The following CEP41 variants were observed in gnomAD, a reference collection of about 807,000 sequenced individuals.
The protein encoded by CEP41 is centrosomal protein 41, also known as centrosomal protein of 41 kDa.
Under a neutral mutation model 44.3 loss-of-function variants are expected in CEP41, and 32 were observed. The ratio of observed to expected loss-of-function variants is 0.72; its 90% confidence interval spans 0.54 to 0.97. The LOEUF is 0.97. Among genes scored for constraint, CEP41 ranks in the 50% least tolerant of loss-of-function variants. The probability of loss-of-function intolerance (pLI) is 0.00; values close to 1 mark genes in which losing one functional copy is unlikely to be tolerated. For missense variants in CEP41, 432 were observed against 455.2 expected (o/e 0.95, Z 0.46); for synonymous variants, 151 against 168.5 (o/e 0.90, Z 0.80).
chr7:130,441,049 A>G, upstream of CEP41: 1 of 1,486,726 alleles, frequency 6.7e-7, no homozygotes, highest in Non-Finnish European at 9.3e-7. Context: ...AACCTTGTTC[A>G]GCCGCCTCCC....
Position 130,440,926 on chromosome 7 carries a change from G to C in CEP41, c.33+8C>G, listed in dbSNP as rs782501714. On this transcript the variant is annotated splice_region_variant and intron_variant, in intron 1 of 10. Transcript: ENST00000223208. ...CCTCCGGCTCTCCGGCCGAGACCTGGCCCTCACCTCAGGGTTCCCAATGTG... is the reference window on the plus strand; with the variant it reads ...CCTCCGGCTCTCCGGCCGAGACCTGCCCCTCACCTCAGGGTTCCCAATGTG... 2 of 1,611,732 alleles carry C rather than the reference G, an allele frequency of 1.2e-6. No individual in the cohort carries two copies. Among genetic ancestry groups the C allele is most frequent in the Admixed American group, 1.7e-5 (1 of 60,036 alleles).
chr7:130,418,695 T>C (rs1160997355), intron 2 of CEP41, among the ~76,000 whole-genome samples: 1 of 152,112 alleles, frequency 6.6e-6, no homozygotes, highest in Non-Finnish European at 1.5e-5. Flanking sequence ...ATTTCCAACC[T>C]CCTGAAAAAC....
chr7:130,401,908 G>T lies in CEP41; in HGVS notation c.615C>A (p.Asn205Lys), dbSNP rs1554417012. 5 of 1,609,292 alleles carry T rather than the reference G, an allele frequency of 3.1e-6. No homozygotes were observed. The highest frequency in any genetic ancestry group is 1.1e-5 in the South Asian group (1 of 90,976). Reference sequence around the variant, plus strand: ...ATTCAAGAATATCATTTGAATAAGGGTTCATTGTTCTAGACAGAGTTGCAA... The same window carrying T: ...ATTCAAGAATATCATTTGAATAAGGTTTCATTGTTCTAGACAGAGTTGCAA... ...YPIATLSRTM[N>K]PYSNDILEYK... Residue 205 changes from asparagine (N) to lysine (K), a missense_variant, in exon 8 of 11, where the codon AAC becomes AAA. Physicochemically the swap from Asn to Lys is moderately conservative, Grantham distance 94 (BLOSUM62 0). Transcript: ENST00000223208.
At chr7:130,408,845 T>C (rs1414373407) in intron 5 of CEP41, among the ~76,000 whole-genome samples, 1 of 152,234 alleles carries the variant, frequency 6.6e-6, no homozygotes, top group Non-Finnish European at 1.5e-5. Context: ...AATTAAATTA[T>C]GGTATATCCA....
In CEP41 at chr7:130,429,527, A is replaced by G. The variant is rs139348537; in HGVS notation, c.34-1509T>C. 1.5e-3 allele frequency among the ~76,000 whole-genome samples: 236 copies of G among 152,340 alleles called. 3 individuals are homozygous for G. In the East Asian group the frequency reaches 0.021, roughly 14 times the overall value. The stretch of plus-strand genomic sequence containing the variant: ...TGCAGGTATGAAAGTCCTTTCTTCA[A>G]TAACAGGTAGCTGTGGAACATGAAA... On this transcript the variant is annotated intron_variant, in intron 1 of 10. Coordinates refer to ENST00000223208, the MANE Select transcript of CEP41 (RefSeq NM_018718.3).
intron 10 of CEP41, 72 bp from the exon 11 acceptor site, chr7:130,399,111 A>T (rs1554416214): frequency 2.5e-6 from 4 of 1,575,612 alleles, no homozygotes; most frequent in Non-Finnish European, 3.5e-6. Context: ...GTACAGTTTT[A>T]AGCTAATGAA....
In CEP41 at chr7:130,404,656, A is replaced by G. The variant is rs1034183708; in HGVS notation, c.330T>C (p.Asn110=). ...ACTGCTCACCTGGATTTCCTTTCCC[A>G]TTGGTCCTGGCAGTGGTTTCAGCAT... is the stretch of plus-strand genomic sequence containing the variant. ...DPDAETTART[N]GKGNPGEQSP... Residue 110 remains asparagine, a synonymous_variant, in exon 6 of 11, where the codon AAT becomes AAC. Transcript: ENST00000223208. The G allele has an allele frequency of 3.7e-6, 6 of 1,612,914 alleles. No homozygotes were observed. Among genetic ancestry groups the G allele is most frequent in the Non-Finnish European group, 4.2e-6 (5 of 1,179,086 alleles).
chr7:130,433,607 C>T (rs1797884455), intron 1 of CEP41, among the ~76,000 whole-genome samples: 1 of 152,118 alleles, frequency 6.6e-6, no homozygotes. Context: ...TGAGGGTTTA[C>T]ATAAAAGAAA....
intron 5 of CEP41, among the ~76,000 whole-genome samples, chr7:130,410,200 A>G (rs1251518237): frequency 6.7e-6 from 1 of 150,072 alleles, no homozygotes; most frequent in African/African-American, 2.5e-5. Flanking sequence ...TAATTTTTCT[A>G]TTTTTTTTAG....
intron 1 of CEP41, among the ~76,000 whole-genome samples, chr7:130,436,573 T>C (rs1327359597): frequency 6.8e-6 from 1 of 146,310 alleles, no homozygotes; most frequent in Non-Finnish European, 1.5e-5. Flanking sequence ...AGTTTGATAC[T>C]GTACTGTACT....
intron 4 of CEP41, 151 bp from the exon 5 acceptor site, chr7:130,411,342 G>T: frequency 1.4e-6 from 1 of 707,392 alleles, no homozygotes. Flanking sequence ...TGAATCTCAG[G>T]CCTCCTTCCT....
chr7:130,420,048 G>C, intron 2 of CEP41: 1 of 985,426 alleles, frequency 1.0e-6, no homozygotes, highest in Non-Finnish European at 1.2e-6. Context: ...ATGGTCAGGT[G>C]CACTGGATCA....
intron 1 of CEP41, among the ~76,000 whole-genome samples, chr7:130,430,613 CAG>C (rs1228817428): frequency 6.6e-4 from 101 of 152,210 alleles, no homozygotes; most frequent in African/African-American, 2.3e-3. Context: ...ATAAATTCTC[CAG>C]AGACAGACAA....
chr7:130,419,739 G>A, intron 2 of CEP41: 1 of 985,120 alleles, frequency 1.0e-6, no homozygotes, highest in Non-Finnish European at 1.2e-6. Context: ...ACCTCTTAAT[G>A]TTGCCTTAAT....
Position 130,400,740 on chromosome 7 carries a change from G to C in CEP41, c.724C>G (p.Arg242Gly). ...ASQAATTMCERGFENLFMLSG... is the reference protein window; with the variant it reads ...ASQAATTMCEGGFENLFMLSG... ...AGCATGAAGAGGTTTTCAAATCCAC[G>C]CTCGCACATGGTGGTGGCCGCCTGA... The change falls in exon 9 of 11, where the codon CGT (arginine) becomes GGT (glycine). Residue 242 changes from arginine (R) to glycine (G), a missense_variant. Arg to Gly is a moderately radical substitution (Grantham distance 125). Coordinates refer to ENST00000223208, the MANE Select transcript of CEP41 (RefSeq NM_018718.3). 2 of 1,613,370 alleles carry C rather than the reference G, an allele frequency of 1.2e-6. No homozygotes were observed. The highest frequency in any genetic ancestry group is 1.7e-6 in the Non-Finnish European group (2 of 1,179,538).
chr7:130,401,229 G>A, intron 8 of CEP41: 1 of 214,248 alleles, frequency 4.7e-6, no homozygotes, highest in East Asian at 1.2e-4. Context: ...CAAAATAAAG[G>A]AATATTTTAG....
rs1294939004 is a variant in CEP41, at chr7:130,395,060, A to ACCGAAT, written c.*3825_*3830dup. 4.4e-6 allele frequency: 2 copies of ACCGAAT among 453,976 alleles called. No homozygotes were observed. The highest frequency in any genetic ancestry group is 4.0e-5 in the African/African-American group (2 of 49,990). The allele number at this position is 453,976 out of a possible 1,614,324, so 28.1% of individuals were successfully genotyped here. Reference sequence around the variant, plus strand: ...GTTTCGAAAACACATAAAATCATGCACCGAATCCTGTTCTGCCTGAATTCA... The same window carrying ACCGAAT: ...GTTTCGAAAACACATAAAATCATGCACCGAATCCGAATCCTGTTCTGCCTGAATTCA... On this transcript the variant is annotated 3_prime_UTR_variant, in exon 11 of 11. Transcript: ENST00000223208.
In CEP41 at chr7:130,419,590, T is replaced by A. The variant is rs1264333198; in HGVS notation, c.98-2624A>T. 3 of 983,308 alleles carry A rather than the reference T, an allele frequency of 3.1e-6. No homozygotes were observed. The African/African-American group carries it at 5.3e-5, about 17-fold the overall frequency. The allele number at this position is 983,308 out of a possible 1,614,324, so 60.9% of individuals were successfully genotyped here. ...AAGAACCAATTTTTTTTAAAAAAAA[T>A]TGAAATTACACATTACTGCCAGATA... is the stretch of plus-strand genomic sequence containing the variant. On this transcript the variant is annotated intron_variant, in intron 2 of 10. Coordinates refer to ENST00000223208, the MANE Select transcript of CEP41 (RefSeq NM_018718.3).
chr7:130,400,615 G>GAATT (rs1342211108), intron 9 of CEP41, 92 bp downstream of exon 9: 8 of 852,106 alleles, frequency 9.4e-6, no homozygotes, highest in Non-Finnish European at 1.6e-5. Flanking sequence ...CCAGAACACT[G>GAATT]AATTCTGAGC....
Sources: allele counts gnomAD v4.1 joint callset (sites outside exome capture counted in the v4.1 genomes callset), GRCh38; gene constraint gnomAD v4.1.1; transcripts MANE v1.5; gene names NCBI Gene and HGNC (gene_info 2026-07-23, HGNC 2026-07-21).